The following SAMMSON variants were observed in gnomAD, a reference collection of about 807,000 sequenced individuals.
SAMMSON encodes survival associated mitochondrial melanoma specific oncogenic non-coding RNA.
chr3:70,180,688 C>G (rs890480351), intron 4 of SAMMSON, among the ~76,000 whole-genome samples: 6 of 152,078 alleles, frequency 3.9e-5, no homozygotes. Flanking sequence ...AGAAGTACAC[C>G]GTGCTACTCC....
chr3:70,104,249 A>G (rs1444012084), intron 4 of SAMMSON, among the ~76,000 whole-genome samples: 1 of 151,562 alleles, frequency 6.6e-6, no homozygotes, highest in Non-Finnish European at 1.5e-5. Flanking sequence ...TAGTGTAGCA[A>G]TCAGCAAAAC....
chr3:70,006,143 A>G (rs556231691), intron 1 of SAMMSON, among the ~76,000 whole-genome samples: 97 of 152,334 alleles, frequency 6.4e-4, no homozygotes, highest in Admixed American at 1.6e-3. Context: ...CTAATCATGA[A>G]ACTCAGTTAA....
intron 8 of SAMMSON, among the ~76,000 whole-genome samples, chr3:70,356,176 C>A (rs563889657): frequency 6.6e-6 from 1 of 151,914 alleles, no homozygotes; most frequent in East Asian, 1.9e-4. Flanking sequence ...GAAATTGTTC[C>A]CCTTCATTAA....
intron 1 of SAMMSON, among the ~76,000 whole-genome samples, chr3:70,002,530 C>G (rs1372534760): frequency 2.0e-5 from 3 of 151,120 alleles, no homozygotes; most frequent in African/African-American, 7.3e-5. Context: ...GGCAGAATTA[C>G]ATTTAGTCAT....
chr3:70,101,217 A>G lies in SAMMSON; in HGVS notation n.507+29652A>G, dbSNP rs571843078. Among the ~76,000 whole-genome samples, 15 of 152,312 alleles carry G rather than the reference A, an allele frequency of 9.8e-5. No homozygotes were observed. The South Asian group carries it at 3.1e-3, about 32-fold the overall frequency. ...CAAATTGCCTTTGTTCAATAGATAA[A>G]TGAGTAGTGCTATCCAGTGTTGTTA... On this transcript the variant is annotated intron_variant and non_coding_transcript_variant, in intron 4 of 9. Coordinates refer to ENST00000642114, the Ensembl canonical transcript of SAMMSON.
At chr3:70,079,768 C>T (rs1188183264) in intron 4 of SAMMSON, among the ~76,000 whole-genome samples, 3 of 152,114 alleles carry the variant, frequency 2.0e-5, no homozygotes, top group South Asian at 2.1e-4. Flanking sequence ...CACTGTAAGT[C>T]GAGAGGCATC....
At chr3:70,322,247 G>A (rs570806605) in intron 7 of SAMMSON, among the ~76,000 whole-genome samples, 6 of 152,168 alleles carry the variant, frequency 3.9e-5, no homozygotes, top group East Asian at 1.9e-4. Context: ...ATTATTGACC[G>A]AGGTATGATT....
At chr3:70,379,937 A>G (rs1187579786) in intron 9 of SAMMSON, among the ~76,000 whole-genome samples, 4 of 152,206 alleles carry the variant, frequency 2.6e-5, no homozygotes, top group Non-Finnish European at 1.5e-5. Context: ...AAAAAAGGGA[A>G]TAAGGCAATG....
In SAMMSON at chr3:70,150,838, A is replaced by G. The variant is rs1204661194; in HGVS notation, n.507+79273A>G. 2.6e-5 allele frequency among the ~76,000 whole-genome samples: 4 copies of G among 152,024 alleles called. No homozygotes were observed. The South Asian group carries it at 8.3e-4, about 32-fold the overall frequency. On this transcript the variant is annotated intron_variant and non_coding_transcript_variant, in intron 4 of 9. Coordinates refer to ENST00000642114, the Ensembl canonical transcript of SAMMSON. ...GCCTGGGAAATATGGAGGGAAAACA[A>G]TTGGCTAGCTGCCATCCCCTTAAAG... is the stretch of plus-strand genomic sequence containing the variant.
intron 7 of SAMMSON, among the ~76,000 whole-genome samples, chr3:70,345,732 A>T (rs1290766517): frequency 2.0e-5 from 3 of 150,398 alleles, no homozygotes; most frequent in Non-Finnish European, 3.0e-5. Flanking sequence ...ATGCAATTGG[A>T]ATCATATAGT....
chr3:70,225,301 A>T (rs1427896045), intron 4 of SAMMSON, among the ~76,000 whole-genome samples: 1 of 152,222 alleles, frequency 6.6e-6, no homozygotes, highest in African/African-American at 2.4e-5. Flanking sequence ...TGAGAATTAT[A>T]ATTATATGTC....
chr3:70,302,250 T>G (rs1408526440), intron 7 of SAMMSON, among the ~76,000 whole-genome samples: 2 of 152,142 alleles, frequency 1.3e-5, no homozygotes, highest in Non-Finnish European at 2.9e-5. Flanking sequence ...CACATTCCTT[T>G]TTTTATCTTT....
At chr3:70,094,456 C>A (rs574062703) in intron 4 of SAMMSON, among the ~76,000 whole-genome samples, 17 of 152,168 alleles carry the variant, frequency 1.1e-4, no homozygotes, top group Non-Finnish European at 1.6e-4. Context: ...GACAAAATTA[C>A]TTAATATGCT....
chr3:70,306,431 C>G (rs1336889465), intron 7 of SAMMSON, among the ~76,000 whole-genome samples: 2 of 152,150 alleles, frequency 1.3e-5, no homozygotes, highest in Non-Finnish European at 2.9e-5. Context: ...TTTATATCAT[C>G]AAAGATTGAA....
intron 4 of SAMMSON, among the ~76,000 whole-genome samples, chr3:70,217,751 T>C (rs1020448243): frequency 6.6e-6 from 1 of 152,140 alleles, no homozygotes; most frequent in Non-Finnish European, 1.5e-5. Context: ...TATAAATCAG[T>C]AAATTAGTGT....
At chr3:70,271,090 T>A (rs1372286165) in intron 6 of SAMMSON, among the ~76,000 whole-genome samples, 2 of 152,200 alleles carry the variant, frequency 1.3e-5, no homozygotes, top group Admixed American at 1.3e-4. Context: ...ATAGGCCATT[T>A]ATCGAAGCTG....
chr3:70,036,811 A>G (rs1471440855), intron 3 of SAMMSON, among the ~76,000 whole-genome samples: 1 of 152,062 alleles, frequency 6.6e-6, no homozygotes, highest in South Asian at 2.1e-4. Flanking sequence ...TGCTTGCTCT[A>G]TATTAAAAAA....
intron 2 of SAMMSON, among the ~76,000 whole-genome samples, chr3:70,410,011 A>T (rs1701205745): frequency 6.6e-6 from 1 of 151,592 alleles, no homozygotes; most frequent in African/African-American, 2.4e-5. Context: ...TCCCCAGTCT[A>T]CTGTTGCCAT....
At chr3:70,140,284 A>G in intron 4 of SAMMSON, 1 of 204,776 alleles carries the variant, frequency 4.9e-6, no homozygotes, top group Non-Finnish European at 1.1e-5. Flanking sequence ...GAAGAGCAAG[A>G]GGAGGAATTA....
Sources: allele counts gnomAD v4.1 joint callset (sites outside exome capture counted in the v4.1 genomes callset), GRCh38; gene constraint gnomAD v4.1.1; transcripts MANE v1.5; gene names NCBI Gene and HGNC (gene_info 2026-07-23, HGNC 2026-07-21).